The following SLC24A1 variants were observed in gnomAD, a reference collection of about 807,000 sequenced individuals.
SLC24A1 encodes the protein solute carrier family 24 member 1.
SLC24A1 carries 52 observed loss-of-function variants against 88.1 expected under a neutral mutation model. The ratio of observed to expected loss-of-function variants is 0.59; its 90% CI spans 0.47 to 0.74. SLC24A1 has a LOEUF of 0.74. Ranked by LOEUF, SLC24A1 falls within the 30% of genes least tolerant of loss-of-function variation. The probability of loss-of-function intolerance (pLI) is 0.00; values close to 1 mark genes in which losing one functional copy is unlikely to be tolerated. For missense variants in SLC24A1, 1,173 were observed against 1,363.3 expected (o/e 0.86, Z 2.20); for synonymous variants, 455 against 498.0 (o/e 0.91, Z 1.15).
At chr15:65,640,934 G>A (rs1046665071) in intron 4 of SLC24A1, among the ~76,000 whole-genome samples, 7 of 152,176 alleles carry the variant, frequency 4.6e-5, no homozygotes, top group African/African-American at 7.2e-5. Context: ...GGTGGCAGGC[G>A]CCTGTAATCC....
chr15:65,656,897 G>A (rs1191171083), downstream of SLC24A1, among the ~76,000 whole-genome samples: 1 of 152,164 alleles, frequency 6.6e-6, no homozygotes, highest in African/African-American at 2.4e-5. Context: ...AAGAGACGGG[G>A]CCTTGCCCTG....
chr15:65,620,157 CA>C (rs2074274487), upstream of SLC24A1, among the ~76,000 whole-genome samples: 1 of 151,700 alleles, frequency 6.6e-6, no homozygotes. Context: ...GCTTGCCAAG[CA>C]CTGTTCTGGG....
exon 1 of SLC24A1, chr15:65,611,425 A>G (rs577503481): frequency 8.0e-5 from 44 of 548,620 alleles, no homozygotes; most frequent in South Asian, 6.2e-4. Context: ...ATCTCTCCCC[A>G]TTCTCGGGCT....
At chr15:65,618,298 A>AT (rs1212991981), upstream of SLC24A1, among the ~76,000 whole-genome samples, 1 of 152,188 alleles carries the variant, frequency 6.6e-6, no homozygotes, top group African/African-American at 2.4e-5. Flanking sequence ...CCTAAATGCA[A>AT]TAATGTTATA....
chr15:65,619,646 A>G (rs545130635), upstream of SLC24A1, among the ~76,000 whole-genome samples: 2 of 152,266 alleles, frequency 1.3e-5, no homozygotes, highest in East Asian at 3.9e-4. Flanking sequence ...ACCCAGAAAT[A>G]AACCAGCCTT....
chr15:65,645,508 C>T (rs927019811), intron 5 of SLC24A1, 104 bp from the exon 6 acceptor site: 2 of 828,918 alleles, frequency 2.4e-6, no homozygotes, highest in Non-Finnish European at 4.0e-6. Context: ...CCTTCAGAAA[C>T]CCTGAAGTCC....
At chr15:65,640,543 A>G (rs1289413141) in intron 4 of SLC24A1, among the ~76,000 whole-genome samples, 3 of 152,138 alleles carry the variant, frequency 2.0e-5, no homozygotes, top group African/African-American at 7.2e-5. Context: ...CAGGAGGCCC[A>G]TCAAGGAAAT....
In SLC24A1 at chr15:65,625,784, C is replaced by G. The variant is rs1486967991; in HGVS notation, c.1704C>G (p.Asp568Glu). Residue 568 changes from aspartate to glutamate, a missense_variant, in exon 2 of 10, where the codon GAC becomes GAG. Transcript: ENST00000261892. ...LFRDVSFYIL[D>E]LIMLILFFLD... ...GTGATGTCTCCTTCTACATCCTTGACCTGATAATGCTCATCCTCTTCTTCC... is the reference window on the plus strand; with the variant it reads ...GTGATGTCTCCTTCTACATCCTTGAGCTGATAATGCTCATCCTCTTCTTCC... 4 of 1,613,956 alleles carry G rather than the reference C, an allele frequency of 2.5e-6. No individual in the cohort carries two copies. The African/African-American group carries it at 4.0e-5, about 16-fold the overall frequency.
chr15:65,648,457 A>G (rs1224352570), intron 6 of SLC24A1, among the ~76,000 whole-genome samples: 2 of 151,164 alleles, frequency 1.3e-5, no homozygotes, highest in Non-Finnish European at 2.9e-5. Flanking sequence ...ATCTGAGGAC[A>G]CTCTGAATCA....
intron 6 of SLC24A1, among the ~76,000 whole-genome samples, chr15:65,649,863 G>A (rs1325699614): frequency 6.6e-6 from 1 of 152,172 alleles, no homozygotes; most frequent in East Asian, 1.9e-4. Flanking sequence ...AGACAAGGGA[G>A]GTGATAGTCC....
upstream of SLC24A1, chr15:65,611,381 G>A: frequency 1.7e-6 from 1 of 600,034 alleles, no homozygotes; most frequent in Non-Finnish European, 3.0e-6. Context: ...AGCCTTGGCT[G>A]GGTTTCCTGC....
intron 3 of SLC24A1, 26 bp downstream of exon 3, chr15:65,638,207 G>T (rs754533474): frequency 2.6e-5 from 40 of 1,518,804 alleles, no homozygotes; most frequent in Admixed American, 1.9e-4. Context: ...AGTCTGCCCA[G>T]TGGGGACACT....
chr15:65,624,710 A>G lies in SLC24A1; in HGVS notation c.630A>G (p.Thr210=), dbSNP rs1284442723. The part of the protein sequence containing the change: ...YVPSTFMTME[T]SHAITPRTTV... ...CGTCCACATTCATGACAATGGAAAC[A>G]AGCCATGCGATCACCCCCAGGACAA... is the stretch of plus-strand genomic sequence containing the variant. Residue 210 remains threonine, a synonymous_variant, in exon 2 of 10, where the codon ACA becomes ACG. Coordinates refer to ENST00000261892, the MANE Select transcript of SLC24A1 (RefSeq NM_004727.3). The G allele has an allele frequency of 3.1e-6, 5 of 1,610,432 alleles. No individual in the cohort carries two copies. The highest frequency in any genetic ancestry group is 3.4e-6 in the Non-Finnish European group (4 of 1,178,182).
At chr15:65,641,690 T>C (rs1456149579) in intron 4 of SLC24A1, among the ~76,000 whole-genome samples, 2 of 152,086 alleles carry the variant, frequency 1.3e-5, no homozygotes, top group Non-Finnish European at 2.9e-5. Context: ...AGTGCCGGGG[T>C]GCTCTGGCCA....
chr15:65,656,307 G>C (rs2075681467), downstream of SLC24A1: 1 of 950,346 alleles, frequency 1.1e-6, no homozygotes, highest in African/African-American at 1.8e-5. Context: ...CCTTTGCCTA[G>C]AAAGGAAGTT....
In SLC24A1 at chr15:65,654,522, C is replaced by T. The variant is rs112411796; in HGVS notation, c.*443C>T. The T allele has an allele frequency of 8.2e-5, 97 of 1,183,230 alleles. No homozygotes were observed. Among genetic ancestry groups the T allele is most frequent in the African/African-American group, 1.8e-4 (11 of 61,314 alleles). The allele number at this position is 1,183,230 out of a possible 1,614,324, so 73.3% of individuals were successfully genotyped here. On this transcript the variant is annotated 3_prime_UTR_variant, in exon 10 of 10. Transcript: ENST00000261892. Reference sequence around the variant, plus strand: ...CTTCCTGACCTCTGCCCCAAACACACGCTGCAATTTTGTCTCCTCCTTTTC... The same window carrying T: ...CTTCCTGACCTCTGCCCCAAACACATGCTGCAATTTTGTCTCCTCCTTTTC...
At chr15:65,657,223 C>T (rs889139419), downstream of SLC24A1, among the ~76,000 whole-genome samples, 2 of 152,000 alleles carry the variant, frequency 1.3e-5, no homozygotes, top group Non-Finnish European at 2.9e-5. Context: ...TCAATAGATT[C>T]GAAAATAGTT....
rs56960432 is a variant in SLC24A1 at position 65,635,446 on chromosome 15, C to CAAA, written c.1891-2660_1891-2658dup. Among the ~76,000 whole-genome samples the CAAA allele has an allele frequency of 7.7e-3, 449 of 58,274 alleles. 35 individuals carry two copies. Among genetic ancestry groups the CAAA allele is most frequent in the African/African-American group, 0.023 (345 of 14,726 alleles). The allele number at this position is 58,274 out of a possible 152,430, so 38.2% of individuals were successfully genotyped here. Reference sequence around the variant, plus strand: ...TGGCAACAGAGTGAGACTCCGTCTCCAAAAAAAAAAAAAAAAAAAAAAAAG... The same window carrying CAAA: ...TGGCAACAGAGTGAGACTCCGTCTCCAAAAAAAAAAAAAAAAAAAAAAAAAAAG... On this transcript the variant is annotated intron_variant, in intron 2 of 9. Transcript: ENST00000261892.
At position 65,653,288 on chromosome 15, in the gene SLC24A1, G is replaced by A. The variant is rs1416853626; in HGVS notation, c.3050+480G>A. On this transcript the variant is annotated intron_variant, in intron 9 of 9. Coordinates refer to ENST00000261892, the MANE Select transcript of SLC24A1 (RefSeq NM_004727.3). The stretch of plus-strand genomic sequence containing the variant: ...TTCTCCCAACCTTGTCAGAAACAGG[G>A]GCTATTTTCATTTCCCCAATCATGT... Among the ~76,000 whole-genome samples the A allele has an allele frequency of 3.3e-5, 5 of 152,076 alleles. 1 individual carries two copies. Among genetic ancestry groups the A allele is most frequent in the Admixed American group, 3.3e-4 (5 of 15,272 alleles).
Sources: gnomAD v4.1 joint callset for allele counts (sites outside exome capture counted in the v4.1 genomes callset) on GRCh38, gnomAD v4.1.1 for gene constraint, MANE v1.5 for transcripts, NCBI Gene and HGNC (gene_info 2026-07-23, HGNC 2026-07-21) for gene names.